Variants in SLC15A4 observed in about 807,000 individuals in gnomAD.
SLC15A4 encodes hPHT1.
A neutral mutation model predicts 46.1 loss-of-function variants in SLC15A4; 26 were observed. The ratio of observed to expected loss-of-function variants is 0.56; its 90% confidence interval spans 0.41 to 0.78. SLC15A4 has a LOEUF of 0.78. SLC15A4 is among the 30% of genes least tolerant of loss of function. The pLI is 0.00. For missense variants in SLC15A4, 751 were observed against 755.7 expected (o/e 0.99, Z 0.07); for synonymous variants, 370 against 333.4 (o/e 1.11, Z -1.20).
At chr12:128,810,255 C>T (rs2135714551) in intron 2 of SLC15A4, 144 bp from the exon 3 acceptor site, 1 of 679,534 alleles carries the variant, frequency 1.5e-6, no homozygotes, top group East Asian at 2.8e-5. Context: ...ATTGTACACA[C>T]CCAACACAGC....
At chr12:128,803,379 G>C (rs1566047820) in intron 5 of SLC15A4, among the ~76,000 whole-genome samples, 1 of 152,070 alleles carries the variant, frequency 6.6e-6, no homozygotes, top group Admixed American at 6.5e-5. Context: ...ATTGTTCCTT[G>C]TGTGATGAGC....
At chr12:128,804,881 A>G (rs1405103171) in intron 5 of SLC15A4, among the ~76,000 whole-genome samples, 1 of 152,198 alleles carries the variant, frequency 6.6e-6, no homozygotes, top group Non-Finnish European at 1.5e-5. Flanking sequence ...AAGAGAGTAC[A>G]CCAACTCTTT....
At chr12:128,812,509 G>A (rs571380429) in intron 2 of SLC15A4, among the ~76,000 whole-genome samples, 21 of 152,182 alleles carry the variant, frequency 1.4e-4, no homozygotes, top group African/African-American at 4.6e-4. Context: ...TTAGTAGACG[G>A]GGTTTCACGT....
intron 7 of SLC15A4, among the ~76,000 whole-genome samples, 198 bp from the exon 8 acceptor site, chr12:128,794,554 C>T (rs35545884): frequency 0.072 from 11,016 of 152,272 alleles, 509 homozygotes; most frequent in South Asian, 0.12. Flanking sequence ...TCAGATACAT[C>T]GCCACCGGGG....
rs549217854 is a variant in SLC15A4, at chr12:128,819,141, C to T, written c.547-4071G>A. On this transcript the variant is annotated intron_variant, in intron 1 of 7. Transcript: ENST00000266771. ...AATACTGGCCGAGCGCGGTGGCTCA[C>T]GCCTGTAATCCCAGAACTTTGGGAG... Among the ~76,000 whole-genome samples the T allele has an allele frequency of 8.5e-5, 13 of 152,270 alleles. No homozygotes were observed. The East Asian group carries it at 1.9e-3, about 23-fold the overall frequency.
At position 128,809,861 on chromosome 12, in the gene SLC15A4, A is replaced by G. The variant is rs939947856; in HGVS notation, c.1011+82T>C. The G allele has an allele frequency of 3.6e-6, 5 of 1,401,592 alleles. No homozygotes were observed. The African/African-American group carries it at 7.2e-5, about 20-fold the overall frequency. 86.8% of individuals were successfully genotyped at this position (1,401,592 alleles called of 1,614,324 possible). A position where few individuals can be genotyped will look rare whatever the true frequency, so the allele number is the denominator to read the frequency against. On this transcript the variant is annotated intron_variant, in intron 3 of 7. Coordinates refer to ENST00000266771, the MANE Select transcript of SLC15A4 (RefSeq NM_145648.4). ...GAAAAAAAATCACCTAGTCCTACCT[A>G]CTTTAGAAATGGCCAAAACAAGTGC...
In SLC15A4 at chr12:128,794,260, T is replaced by C. The variant is rs757182785; in HGVS notation, c.1670A>G (p.Tyr557Cys). 1.9e-6 allele frequency: 3 copies of C among 1,613,964 alleles called. No individual in the cohort carries two copies. ...LLLFLIISVKYDHHRDHQRSR... is the reference protein window; with the variant it reads ...LLLFLIISVKCDHHRDHQRSR... ...TCGCTGATGGTCTCGATGATGGTCA[T>C]ATTTCACAGAAATAATGAGGAAAAG... The change falls in exon 8 of 8, where the codon TAT becomes TGT. Residue 557 changes from tyrosine (Y) to cysteine (C), a missense_variant. Transcript: ENST00000266771.
intron 2 of SLC15A4, chr12:128,810,335 G>A: frequency 7.9e-6 from 4 of 509,136 alleles, no homozygotes; most frequent in South Asian, 6.8e-5. Flanking sequence ...TAGTCAAAGT[G>A]AAACTGGGCT....
intron 1 of SLC15A4, 175 bp from the exon 2 acceptor site, chr12:128,815,245 C>T (rs959453512): frequency 1.9e-5 from 12 of 616,896 alleles, no homozygotes; most frequent in Middle Eastern, 4.3e-4. Flanking sequence ...GCACACCCCA[C>T]GCTTTTAATT....
At chr12:128,822,510 C>T (rs1955859716) in intron 1 of SLC15A4, among the ~76,000 whole-genome samples, 1 of 152,170 alleles carries the variant, frequency 6.6e-6, no homozygotes, top group South Asian at 2.1e-4. Context: ...ACTTACAGGG[C>T]CTGAACATAG....
chr12:128,818,078 GA>G (rs35552623), intron 1 of SLC15A4, among the ~76,000 whole-genome samples: 15,604 of 143,534 alleles, frequency 0.11, 991 homozygotes, highest in Admixed American at 0.21. Flanking sequence ...TTTTCCTCTA[GA>G]AAAAAAAAAA....
chr12:128,797,320 C>T (rs996676651), intron 7 of SLC15A4, among the ~76,000 whole-genome samples: 1 of 152,036 alleles, frequency 6.6e-6, no homozygotes, highest in Non-Finnish European at 1.5e-5. Flanking sequence ...AAGGAGACAG[C>T]CACAGCCCAG....
intron 6 of SLC15A4, among the ~76,000 whole-genome samples, 168 bp from the exon 7 acceptor site, chr12:128,799,585 A>G (rs1955490797): frequency 6.6e-6 from 1 of 152,212 alleles, no homozygotes; most frequent in Non-Finnish European, 1.5e-5. Context: ...CTAGCGACCA[A>G]GAATCAATGG....
chr12:128,796,741 T>A (rs1403060711), intron 7 of SLC15A4, among the ~76,000 whole-genome samples: 2 of 152,238 alleles, frequency 1.3e-5, no homozygotes, highest in Non-Finnish European at 2.9e-5. Context: ...CATTTGACGC[T>A]ACTGAGACGA....
intron 5 of SLC15A4, among the ~76,000 whole-genome samples, chr12:128,802,110 G>A (rs1231098506): frequency 1.3e-5 from 2 of 152,066 alleles, no homozygotes; most frequent in African/African-American, 4.8e-5. Flanking sequence ...GAGTGTCAAG[G>A]GAAACCCAAT....
intron 1 of SLC15A4, among the ~76,000 whole-genome samples, chr12:128,816,966 T>A (rs1236039448): frequency 6.6e-6 from 1 of 152,186 alleles, no homozygotes; most frequent in Non-Finnish European, 1.5e-5. Context: ...TGTTCCTCTC[T>A]AAAGGAAATA....
At chr12:128,802,580 TCTGCAGGGG>T (rs1955529552) in intron 5 of SLC15A4, among the ~76,000 whole-genome samples, 1 of 152,148 alleles carries the variant, frequency 6.6e-6, no homozygotes, top group Admixed American at 6.6e-5. Context: ...CACCAAAGTG[TCTGCAGGGG>T]GCGGGACAAG....
intron 5 of SLC15A4, among the ~76,000 whole-genome samples, chr12:128,802,847 T>C (rs1955533483): frequency 6.6e-6 from 1 of 152,120 alleles, no homozygotes; most frequent in African/African-American, 2.4e-5. Flanking sequence ...TGATTATTGG[T>C]GAGGCTGTTG....
Position 128,801,027 on chromosome 12 carries a change from G to C in SLC15A4, c.1259-18C>G, listed in dbSNP as rs569814906. The stretch of plus-strand genomic sequence containing the variant: ...CAAAATTCCTAGAATTCAAAAGTAG[G>C]TTAGTGTAATATTCATTTATTAACA... On this transcript the variant is annotated intron_variant, in intron 5 of 7. Coordinates refer to ENST00000266771, the MANE Select transcript of SLC15A4 (RefSeq NM_145648.4). The C allele has an allele frequency of 1.3e-6, 2 of 1,584,842 alleles. No individual in the cohort carries two copies. The highest frequency in any genetic ancestry group is 8.6e-7 in the Non-Finnish European group (1 of 1,165,306).
Sources: allele counts gnomAD v4.1 joint callset (sites outside exome capture counted in the v4.1 genomes callset), GRCh38; gene constraint gnomAD v4.1.1; transcripts MANE v1.5; gene names NCBI Gene and HGNC (gene_info 2026-07-23, HGNC 2026-07-21).